EPOR: variants seen among roughly 807,000 people sequenced by gnomAD.
EPOR encodes the protein erythropoietin receptor.
EPOR carries 20 observed loss-of-function variants against 34.3 expected under a neutral mutation model. The ratio of observed to expected loss-of-function variants is 0.58; its 90% confidence interval spans 0.41 to 0.85. EPOR has a LOEUF of 0.85. Ranked by LOEUF, EPOR falls within the 40% of genes least tolerant of loss-of-function variation. EPOR has a pLI of 0.00. For missense variants in EPOR, 601 were observed against 672.7 expected, an observed-to-expected ratio of 0.89 and a Z score of 1.18; for synonymous variants, 312 against 299.0, an observed-to-expected ratio of 1.04 and a Z score of -0.45.
In EPOR at chr19:11,378,161, G is replaced by A. The variant is rs1332603159; in HGVS notation, c.1350C>T (p.Pro450=). ...CCACAAGGTACAGGTACTTTAGGTG[G>A]GGTGGGGTAGGGGGCAGCTCAGGGC... ...TLCPELPPTP[P]HLKYLYLVVS... is the part of the protein sequence containing the mutation. The change falls in exon 8 of 8, where the codon CCC becomes CCT. Residue 450 remains proline (P), a synonymous_variant. Transcript: ENST00000222139. This position sits in a 1 kb window ranked among gnomAD's most constrained non-coding sequence, Gnocchi z 5.3. 1 of 1,614,000 alleles carries A rather than the reference G, an allele frequency of 6.2e-7. No individual in the cohort carries two copies. The highest frequency in any genetic ancestry group is 1.3e-5 in the African/African-American group (1 of 74,918).
At position 11,381,292 on chromosome 19, in the gene EPOR, CAGGGGAAAGGAA is replaced by C. The variant is rs1192709880; in HGVS notation, c.586-95_586-84del. ...CGGGCCCTGGTGGAACTGAGCCAAT[CAGGGGAAAGGAA>C]AACGGTGCCCTAGAATTGCAATGGG... On this transcript the variant is annotated intron_variant, in intron 4 of 7. Coordinates refer to ENST00000222139, the MANE Select transcript of EPOR (RefSeq NM_000121.4). The surrounding 1 kb of genome is among the most constrained non-coding windows in gnomAD (Gnocchi z 5.3). 15 of 1,467,494 alleles carry C rather than the reference CAGGGGAAAGGAA, an allele frequency of 1.0e-5. No individual in the cohort carries two copies. Among genetic ancestry groups the C allele is most frequent in the Non-Finnish European group, 1.4e-5 (15 of 1,076,098 alleles). The allele number at this position is 1,467,494 out of a possible 1,614,324, so 90.9% of individuals were successfully genotyped here.
chr19:11,383,011 A>C lies in EPOR; in HGVS notation c.251+86T>G. 6.2e-7 allele frequency: 1 copy of C among 1,605,710 alleles called. No homozygotes were observed. The highest frequency in any genetic ancestry group is 8.5e-7 in the Non-Finnish European group (1 of 1,179,234). On this transcript the variant is annotated intron_variant, in intron 2 of 7. Transcript: ENST00000222139. The surrounding 1 kb of genome is among the most constrained non-coding windows in gnomAD (Gnocchi z 4.9). ...GAGGCGCCGTCGGGCCTCAAACAGC[A>C]GGGGACATACGAGGCTACGACCTCC...
chr19:11,382,908 G>C, intron 2 of EPOR, 189 bp downstream of exon 2: 1 of 1,531,648 alleles, frequency 6.5e-7, no homozygotes. Context: ...AGCGGTGATC[G>C]CGGGAGTGTT....
chr19:11,378,854 A>C lies in EPOR; in HGVS notation c.828-76T>G. Reference sequence around the variant, plus strand: ...ACCAATTCCCCCTCCACTCCCAGTCATAGAGGCACAGATACACTTGGTCCC... The same window carrying C: ...ACCAATTCCCCCTCCACTCCCAGTCCTAGAGGCACAGATACACTTGGTCCC... On this transcript the variant is annotated intron_variant, in intron 6 of 7. Transcript: ENST00000222139. This position sits in a 1 kb window ranked among gnomAD's most constrained non-coding sequence, Gnocchi z 5.3. 7.2e-7 allele frequency: 1 copy of C among 1,395,040 alleles called. No homozygotes were observed. The highest frequency in any genetic ancestry group is 1.2e-5 in the South Asian group (1 of 85,180). 86.4% of individuals were successfully genotyped at this position (1,395,040 alleles called of 1,614,324 possible). A position where few individuals can be genotyped will look rare whatever the true frequency, so the allele number is the denominator to read the frequency against.
rs768908131 is a variant in EPOR at position 11,378,529 on chromosome 19, G to A, written c.982C>T (p.Pro328Ser). 3 of 1,614,192 alleles carry A rather than the reference G, an allele frequency of 1.9e-6. No individual in the cohort carries two copies. In the South Asian group the frequency reaches 3.3e-5, roughly 18 times the overall value. The change falls in exon 8 of 8, where the codon CCT becomes TCT. Residue 328 changes from proline (P) to serine (S), a missense_variant. Physicochemically the swap from Pro to Ser is moderately conservative, Grantham distance 74. Transcript: ENST00000222139. This position sits in a 1 kb window ranked among gnomAD's most constrained non-coding sequence, Gnocchi z 5.3. ...SPCTPFTEDP[P>S]ASLEVLSERC... ...TCTGAGAGGACTTCCAGGGAAGCAG[G>A]TGGGTCCTCCGTGAAGGGGGTGCAG... is the stretch of plus-strand genomic sequence containing the variant.
rs764244373 is a variant in EPOR at position 11,381,064 on chromosome 19, G to A, written c.731C>T (p.Thr244Met). ...CCCGCCTGGGGCCTCACCGCTAGGC[G>A]TCAGCAGCGACACAGGCTCCGACCA... ...SAWSEPVSLL[T>M]PSDLDPLILT... The change falls in exon 5 of 8, where the codon ACG becomes ATG. Residue 244 changes from threonine to methionine, a missense_variant. Physicochemically the swap from Thr to Met is moderately conservative, Grantham distance 81. Coordinates refer to ENST00000222139, the MANE Select transcript of EPOR (RefSeq NM_000121.4). The surrounding 1 kb of genome is among the most constrained non-coding windows in gnomAD (Gnocchi z 5.3). 6 of 1,601,970 alleles carry A rather than the reference G, an allele frequency of 3.7e-6. No individual in the cohort carries two copies. In the Admixed American group the frequency reaches 8.5e-5, roughly 23 times the overall value.
In EPOR at chr19:11,381,630, GA is replaced by G. The variant is rs1484508141; in HGVS notation, c.585+61del. 6.5e-7 allele frequency: 1 copy of G among 1,534,618 alleles called. No homozygotes were observed. The highest frequency in any genetic ancestry group is 1.4e-5 in the African/African-American group (1 of 72,944). On this transcript the variant is annotated intron_variant, in intron 4 of 7. Transcript: ENST00000222139. The surrounding 1 kb of genome is among the most constrained non-coding windows in gnomAD (Gnocchi z 5.3). The stretch of plus-strand genomic sequence containing the variant: ...AAAGCGGCACCGGGCGCGACCTCGA[GA>G]GGCGTGGCTGGGCCGTAGTCAGTGG...
At chr19:11,379,986 C>T (rs1446955841) in intron 6 of EPOR, among the ~76,000 whole-genome samples, 1 of 152,236 alleles carries the variant, frequency 6.6e-6, no homozygotes, top group Non-Finnish European at 1.5e-5. Flanking sequence ...CAGGCGTGAG[C>T]CACCATGCCA....
In EPOR at chr19:11,381,387, C is replaced by G. The variant is rs1263962174; in HGVS notation, c.586-178G>C. On this transcript the variant is annotated intron_variant, in intron 4 of 7. Coordinates refer to ENST00000222139, the MANE Select transcript of EPOR (RefSeq NM_000121.4). The surrounding 1 kb of genome is among the most constrained non-coding windows in gnomAD (Gnocchi z 5.3). ...GCTCAGGGCCAATCAGAGAGAGAGT[C>G]TCTGGTACGAAAGGGCGGGACCCGG... The G allele has an allele frequency of 1.3e-6, 1 of 743,730 alleles. No homozygotes were observed. Among genetic ancestry groups the G allele is most frequent in the Non-Finnish European group, 2.2e-6 (1 of 454,630 alleles). 46.1% of individuals were successfully genotyped at this position (743,730 alleles called of 1,614,324 possible). A position where few individuals can be genotyped will look rare whatever the true frequency, so the allele number is the denominator to read the frequency against.
intron 6 of EPOR, among the ~76,000 whole-genome samples, chr19:11,380,192 GT>G (rs1485973440): frequency 6.6e-6 from 1 of 152,166 alleles, no homozygotes; most frequent in African/African-American, 2.4e-5. Context: ...CATTCTGTTT[GT>G]TTCTGTGATA....
Position 11,383,330 on chromosome 19 carries a change from A to G in EPOR, c.116-98T>C, listed in dbSNP as rs1968391113. 1.6e-6 allele frequency: 2 copies of G among 1,265,532 alleles called. No homozygotes were observed. Among genetic ancestry groups the G allele is most frequent in the South Asian group, 1.5e-5 (1 of 65,510 alleles). The allele number at this position is 1,265,532 out of a possible 1,614,324, so 78.4% of individuals were successfully genotyped here. On this transcript the variant is annotated intron_variant, in intron 1 of 7. Coordinates refer to ENST00000222139, the MANE Select transcript of EPOR (RefSeq NM_000121.4). The surrounding 1 kb of genome is among the most constrained non-coding windows in gnomAD (Gnocchi z 4.9). ...CTCCCGCAGCCTGGGCGGACCCGAT[A>G]AGAAAAAAGCCCCGCCCTGCCATCT...
At position 11,383,207 on chromosome 19, in the gene EPOR, G is replaced by C. The variant is rs1251164750; in HGVS notation, c.141C>G (p.Pro47=). 4 of 1,603,646 alleles carry C rather than the reference G, an allele frequency of 2.5e-6. No individual in the cohort carries two copies. Among genetic ancestry groups the C allele is most frequent in the African/African-American group, 1.3e-5 (1 of 74,772 alleles). Residue 47 remains proline, a synonymous_variant, in exon 2 of 8, where the codon CCC becomes CCG. Transcript: ENST00000222139. The surrounding 1 kb of genome is among the most constrained non-coding windows in gnomAD (Gnocchi z 4.9). The stretch of plus-strand genomic sequence containing the variant: ...GCTCGGTGAAGCACAGAAGCTCTTC[G>C]GGCCCCCGGGCCGCCAGCAAGGCCG... ...SKAALLAARG[P]EELLCFTERL...
Position 11,381,784 on chromosome 19 carries a change from G to GC in EPOR, c.492dup (p.Arg165AlafsTer7). 26 of 1,613,626 alleles carry GC rather than the reference G, an allele frequency of 1.6e-5. No individual in the cohort carries two copies. Among genetic ancestry groups the GC allele is most frequent in the Non-Finnish European group, 2.2e-5 (26 of 1,179,816 alleles). On this transcript the variant is annotated frameshift_variant, in exon 4 of 8. Coordinates refer to ENST00000222139, the MANE Select transcript of EPOR (RefSeq NM_000121.4). LOFTEE classifies it high-confidence loss of function. This position sits in a 1 kb window ranked among gnomAD's most constrained non-coding sequence, Gnocchi z 5.3. The stretch of plus-strand genomic sequence containing the variant: ...GGTGTCTCAGGCGGCGGGAGCCAGC[G>GC]CAACACTACGTGGCCGCTCTCGTCA...
At chr19:11,382,966 C>A (rs1012863804) in intron 2 of EPOR, 131 bp downstream of exon 2, 3 of 1,576,470 alleles carry the variant, frequency 1.9e-6, no homozygotes, top group Non-Finnish European at 2.6e-6. Flanking sequence ...CCGCAGGTTT[C>A]CCTCCAGTGA....
At position 11,384,270 on chromosome 19, in the gene EPOR, G is replaced by T; in HGVS notation, c.-63C>A. The T allele has an allele frequency of 8.8e-7, 1 of 1,139,512 alleles. No individual in the cohort carries two copies. The highest frequency in any genetic ancestry group is 1.3e-6 in the Non-Finnish European group (1 of 785,040). The allele number at this position is 1,139,512 out of a possible 1,614,324, so 70.6% of individuals were successfully genotyped here. A position where few individuals can be genotyped will look rare whatever the true frequency, so the allele number is the denominator to read the frequency against. On this transcript the variant is annotated 5_prime_UTR_variant, in exon 1 of 8. In the 5' UTR this introduces an upstream ATG that the reference lacks. Coordinates refer to ENST00000222139, the MANE Select transcript of EPOR (RefSeq NM_000121.4). ...CCCTCCGTCCCCCGCCCCCGGCACA[G>T]TCCACAGCTGGGTCAGCAGCTGCCT...
At chr19:11,379,074 C>T (rs775074242) in intron 6 of EPOR, among the ~76,000 whole-genome samples, 2 of 152,062 alleles carry the variant, frequency 1.3e-5, no homozygotes, top group Non-Finnish European at 2.9e-5. Flanking sequence ...CACTATAATC[C>T]CAGTACTTTG....
At position 11,384,151 on chromosome 19, in the gene EPOR, G is replaced by A. The variant is rs1376986035; in HGVS notation, c.57C>T (p.Leu19=). ...WPQVGSLCLL[L]AGAAWAPPPN... ...GCGGGGGCGCCCAGGCGGCCCCAGC[G>A]AGCAGGAGACAAAGGGAGCCGACCT... The change falls in exon 1 of 8, where the codon CTC becomes CTT. Residue 19 remains leucine, a synonymous_variant. Transcript: ENST00000222139. The A allele has an allele frequency of 6.5e-7, 1 of 1,550,322 alleles. No individual in the cohort carries two copies. Among genetic ancestry groups the A allele is most frequent in the South Asian group, 1.2e-5 (1 of 84,026 alleles).
rs1447047247 is a variant in EPOR at position 11,383,165 on chromosome 19, C to T, written c.183G>A (p.Val61=). The T allele has an allele frequency of 1.9e-6, 3 of 1,613,262 alleles. No homozygotes were observed. The highest frequency in any genetic ancestry group is 2.5e-6 in the Non-Finnish European group (3 of 1,179,968). ...CGCTCGCCGCTTCCTCCCAGAAACA[C>T]ACCAAGTCCTCCAACCGCTCGGTGA... The part of the protein sequence containing the change: ...LCFTERLEDL[V]CFWEEAASAG... Residue 61 remains valine, a synonymous_variant, in exon 2 of 8, where the codon GTG becomes GTA. Transcript: ENST00000222139. This position sits in a 1 kb window ranked among gnomAD's most constrained non-coding sequence, Gnocchi z 4.9.
intron 6 of EPOR, among the ~76,000 whole-genome samples, chr19:11,379,468 A>G (rs905740320): frequency 2.0e-5 from 3 of 151,968 alleles, no homozygotes; most frequent in Non-Finnish European, 4.4e-5. Flanking sequence ...TCAGCTACTC[A>G]GGCGGTTGAG....
Sources: gnomAD v4.1 joint callset for allele counts (sites outside exome capture counted in the v4.1 genomes callset) on GRCh38, gnomAD v4.1.1 for gene constraint, Gnocchi (gnomAD v3.1) non-coding constraint, MANE v1.5 for transcripts, NCBI Gene and HGNC (gene_info 2026-07-23, HGNC 2026-07-21) for gene names.